Variants in VXN observed in about 807,000 individuals in gnomAD.
VXN encodes the protein vexin.
In VXN, 7 loss-of-function variants were observed where a neutral mutation model predicts 23.1. The ratio of observed to expected loss-of-function variants is 0.30; its 90% CI spans 0.17 to 0.57. VXN has a LOEUF of 0.57. Ranked by LOEUF, VXN falls within the 20% of genes least tolerant of loss-of-function variation. The pLI is 0.91. For synonymous variants in VXN, 120 were observed against 105.8 expected (o/e 1.13, Z -0.83); for missense variants, 238 against 272.6 (o/e 0.87, Z 0.89).
chr8:66,512,488 T>C (rs926755789), intron 4 of VXN, among the ~76,000 whole-genome samples: 1 of 152,070 alleles, frequency 6.6e-6, no homozygotes. Flanking sequence ...GGATAGGGCT[T>C]AGGGGGAAGA....
intron 2 of VXN, among the ~76,000 whole-genome samples, chr8:66,502,896 G>T (rs1294744005): frequency 3.3e-5 from 5 of 151,118 alleles, no homozygotes; most frequent in Non-Finnish European, 5.9e-5. Context: ...CCCCATGCTG[G>T]AGTGCAGTGG....
chr8:66,499,657 G>A (rs537474749), intron 2 of VXN, among the ~76,000 whole-genome samples: 1 of 152,192 alleles, frequency 6.6e-6, no homozygotes, highest in South Asian at 2.1e-4. Context: ...CTGGGTTCAA[G>A]CAATTCTTCT....
chr8:66,505,062 C>A (rs1807734242), intron 2 of VXN, among the ~76,000 whole-genome samples: 1 of 152,222 alleles, frequency 6.6e-6, no homozygotes, highest in Non-Finnish European at 1.5e-5. Flanking sequence ...CTGGCCTGCC[C>A]GTATCTCTGG....
intron 4 of VXN, among the ~76,000 whole-genome samples, chr8:66,511,125 C>G (rs945222512): frequency 2.0e-5 from 3 of 152,212 alleles, no homozygotes; most frequent in Non-Finnish European, 4.4e-5. Context: ...TCCTCCCTCC[C>G]ACAGCTGGGC....
At chr8:66,504,760 G>A (rs903958116) in intron 2 of VXN, among the ~76,000 whole-genome samples, 2 of 152,094 alleles carry the variant, frequency 1.3e-5, no homozygotes, top group Non-Finnish European at 2.9e-5. Context: ...TCATCTCCCA[G>A]CTCCACCCTG....
chr8:66,506,588 G>T (rs925674450), intron 3 of VXN, among the ~76,000 whole-genome samples: 3 of 151,926 alleles, frequency 2.0e-5, no homozygotes, highest in Non-Finnish European at 4.4e-5. Flanking sequence ...AAAGTCCAGG[G>T]TGTCCTTCTG....
chr8:66,517,878 T>C lies in VXN; in HGVS notation c.*1802T>C, dbSNP rs1308693796. On this transcript the variant is annotated 3_prime_UTR_variant, in exon 6 of 6. Transcript: ENST00000305454. ...TGCCGCTCTGTGCCTATGTCTTGCT[T>C]TTTTGCTGAGTTCCCTATTTCCATA... is the stretch of plus-strand genomic sequence containing the variant. 6.6e-6 allele frequency: 1 copy of C among 152,240 alleles called. No homozygotes were observed. The highest frequency in any genetic ancestry group is 1.5e-5 in the Non-Finnish European group (1 of 68,050). The allele number at this position is 152,240 out of a possible 1,614,324, so 9.4% of individuals were successfully genotyped here.
intron 2 of VXN, chr8:66,498,899 C>G (rs1290808720): frequency 6.7e-6 from 3 of 450,788 alleles, no homozygotes; most frequent in African/African-American, 4.0e-5. Flanking sequence ...TCCTGAGAAG[C>G]TGCAGAAGAG....
In VXN at chr8:66,516,115, C is replaced by T. The variant is rs770841536; in HGVS notation, c.*39C>T. ...CAAGTGCCCTGTGTTGGCCAAGGTT[C>T]CCCGGACAAGAGGAAAAACCTTCAG... On this transcript the variant is annotated 3_prime_UTR_variant, in exon 6 of 6. Transcript: ENST00000305454. 10 of 1,533,168 alleles carry T rather than the reference C, an allele frequency of 6.5e-6. No homozygotes were observed. The highest frequency in any genetic ancestry group is 7.9e-6 in the Non-Finnish European group (9 of 1,144,972). The allele number at this position is 1,533,168 out of a possible 1,614,324, so 95.0% of individuals were successfully genotyped here.
At chr8:66,496,298 A>C (rs906362612) in intron 1 of VXN, 139 bp from the exon 2 acceptor site, 11 of 723,962 alleles carry the variant, frequency 1.5e-5, no homozygotes, top group Non-Finnish European at 2.4e-5. Flanking sequence ...TTCAATCGCA[A>C]CGACCCTGTC....
chr8:66,498,880 A>C (rs1364154112), intron 2 of VXN: 1 of 452,942 alleles, frequency 2.2e-6, no homozygotes, highest in Non-Finnish European at 4.4e-6. Flanking sequence ...ACTGTATACT[A>C]TCAGCAAATC....
chr8:66,507,977 A>G (rs950456790), intron 3 of VXN, among the ~76,000 whole-genome samples: 10 of 152,288 alleles, frequency 6.6e-5, no homozygotes, highest in African/African-American at 2.4e-4. Flanking sequence ...TAGGAACTCT[A>G]AATGCAGAGA....
intron 2 of VXN, among the ~76,000 whole-genome samples, chr8:66,498,630 A>G (rs1807654066): frequency 6.6e-6 from 1 of 152,004 alleles, no homozygotes; most frequent in Non-Finnish European, 1.5e-5. Flanking sequence ...TGTCCTTTAA[A>G]TCTAATAACC....
chr8:66,508,953 G>A (rs904766607), intron 3 of VXN, among the ~76,000 whole-genome samples: 3 of 152,118 alleles, frequency 2.0e-5, no homozygotes, highest in Non-Finnish European at 2.9e-5. Flanking sequence ...CAGAGATTAC[G>A]CATGCCACTG....
chr8:66,505,288 C>T, intron 2 of VXN, 87 bp from the exon 3 acceptor site: 2 of 1,499,722 alleles, frequency 1.3e-6, no homozygotes, highest in Non-Finnish European at 1.8e-6. Flanking sequence ...GATGCGAGCT[C>T]CATCTGCAAA....
intron 1 of VXN, among the ~76,000 whole-genome samples, chr8:66,496,161 T>C (rs777689394): frequency 5.9e-5 from 9 of 152,222 alleles, no homozygotes; most frequent in Non-Finnish European, 1.3e-4. Context: ...CTGAGTAATA[T>C]TCCATCACAT....
chr8:66,496,421 C>G lies in VXN; in HGVS notation c.71-16C>G, dbSNP rs201973579. ...TGATGTTGTCTAAAACCATTTCTTT[C>G]TCTCTGTCTTTGCAGTATCCAGTCC... On this transcript the variant is annotated splice_polypyrimidine_tract_variant and intron_variant, in intron 1 of 5. Coordinates refer to ENST00000305454, the MANE Select transcript of VXN (RefSeq NM_152765.4). 286 of 1,613,544 alleles carry G rather than the reference C, an allele frequency of 1.8e-4. 2 individuals are homozygous for G. The highest frequency in any genetic ancestry group is 1.3e-3 in the Middle Eastern group (8 of 6,062).
chr8:66,499,888 T>G (rs1236482194), intron 2 of VXN, among the ~76,000 whole-genome samples: 7 of 152,060 alleles, frequency 4.6e-5, no homozygotes, highest in African/African-American at 1.7e-4. Flanking sequence ...TTTTTAAATC[T>G]TTATTTATTA....
At chr8:66,504,985 T>C (rs1159448006) in intron 2 of VXN, among the ~76,000 whole-genome samples, 2 of 152,262 alleles carry the variant, frequency 1.3e-5, no homozygotes, top group Admixed American at 6.5e-5. Context: ...CTGTAAGACC[T>C]CGATCTCCAG....
Sources: gnomAD v4.1 joint callset for allele counts (sites outside exome capture counted in the v4.1 genomes callset) on GRCh38, gnomAD v4.1.1 for gene constraint, MANE v1.5 for transcripts, NCBI Gene and HGNC (gene_info 2026-07-23, HGNC 2026-07-21) for gene names.